Variants in GTPBP1 observed in about 807,000 individuals in gnomAD.
GTPBP1 encodes GTP-binding protein 1.
A neutral mutation model predicts 62.0 loss-of-function variants in GTPBP1; 23 were observed. That is an observed-to-expected ratio of 0.37 (90% confidence interval 0.27 to 0.53). The LOEUF (loss-of-function observed/expected upper bound fraction) is 0.53, where lower values mean the gene tolerates loss of function less well. GTPBP1 is among the 20% of genes least tolerant of loss of function. The pLI is 0.89. For missense variants in GTPBP1, 640 were observed against 917.3 expected, an observed-to-expected ratio of 0.70 and a Z score of 3.90; for synonymous variants, 344 against 364.4, an observed-to-expected ratio of 0.94 and a Z score of 0.64.
chr22:38,707,759 G>A (rs187903925), intron 1 of GTPBP1, among the ~76,000 whole-genome samples: 15 of 152,244 alleles, frequency 9.9e-5, no homozygotes, highest in African/African-American at 3.4e-4. Context: ...CATAGCTGGG[G>A]AAGTCCTCCT....
At chr22:38,738,833 G>A, downstream of GTPBP1, 1 of 1,595,800 alleles carries the variant, frequency 6.3e-7, no homozygotes, top group Non-Finnish European at 8.6e-7. The surrounding 1 kb of genome is among the most constrained non-coding windows in gnomAD (Gnocchi z 6.6). Flanking sequence ...AGCCCTCAGT[G>A]TGCTCAGAGC....
Position 38,726,089 on chromosome 22 carries a change from G to A in GTPBP1, c.1157G>A (p.Arg386His), listed in dbSNP as rs992562454. Reference sequence around the variant, plus strand: ...ATGTTCCTCAACCTCCTCTCCCCCCGCACCAGCTACAGGGAGGAGGAGCCT... The same window carrying A: ...ATGTTCCTCAACCTCCTCTCCCCCCACACCAGCTACAGGGAGGAGGAGCCT... Reference protein sequence around the residue: ...LKMFLNLLSPRTSYREEEPAE... With the variant: ...LKMFLNLLSPHTSYREEEPAE... Residue 386 changes from arginine to histidine, a missense_variant, in exon 7 of 12, where the codon CGC (arginine) becomes CAC (histidine). This residue lies in a region of GTPBP1 where 220 missense variants were observed against 358.1 expected (regional missense o/e 0.61). Transcript: ENST00000216044. The surrounding 1 kb of genome is among the most constrained non-coding windows in gnomAD (Gnocchi z 4.1). 3 of 1,613,778 alleles carry A rather than the reference G, an allele frequency of 1.9e-6. No individual in the cohort carries two copies. The highest frequency in any genetic ancestry group is 2.5e-6 in the Non-Finnish European group (3 of 1,179,768).
At chr22:38,742,667 G>A (rs988039027), downstream of GTPBP1, 27 of 1,400,076 alleles carry the variant, frequency 1.9e-5, no homozygotes, top group Admixed American at 4.6e-5. Flanking sequence ...TTCCAGAGAC[G>A]TTCCAGCATA....
At chr22:38,735,403 T>C (rs1164036512), downstream of GTPBP1, 9 of 355,782 alleles carry the variant, frequency 2.5e-5, no homozygotes, top group Admixed American at 3.8e-5. Context: ...CCCACTCTTC[T>C]TGCTATAACC....
At chr22:38,741,207 G>A (rs960141278), downstream of GTPBP1, among the ~76,000 whole-genome samples, 2 of 152,126 alleles carry the variant, frequency 1.3e-5, no homozygotes, top group African/African-American at 4.8e-5. Context: ...CCTTGTCAAA[G>A]CCCTCATGAG....
chr22:38,735,607 A>G (rs970197870), downstream of GTPBP1: 15 of 187,944 alleles, frequency 8.0e-5, no homozygotes, highest in South Asian at 1.1e-3. Context: ...TGGGCCCCTT[A>G]GAAGATCACA....
In GTPBP1 at chr22:38,726,647, T is replaced by G. The variant is rs959389153; in HGVS notation, c.1401+207T>G. Among the ~76,000 whole-genome samples the G allele has an allele frequency of 1.3e-5, 2 of 152,164 alleles. No individual in the cohort carries two copies. The highest frequency in any genetic ancestry group is 2.9e-5 in the Non-Finnish European group (2 of 68,016). On this transcript the variant is annotated intron_variant, in intron 8 of 11. Transcript: ENST00000216044. This position sits in a 1 kb window ranked among gnomAD's most constrained non-coding sequence, Gnocchi z 4.1. ...TGTAAGTGCTAGAGCGAGGAATGCC[T>G]CCTTCTAAGCTCCGTTCCTCCCTCT...
downstream of GTPBP1, chr22:38,741,580 C>T (rs779944981): frequency 4.5e-5 from 72 of 1,613,688 alleles, no homozygotes; most frequent in Middle Eastern, 4.9e-4. Context: ...TCCTGTGAGA[C>T]GGGAGTGAGA....
At chr22:38,707,525 A>G (rs912219641) in intron 1 of GTPBP1, among the ~76,000 whole-genome samples, 78 of 152,252 alleles carry the variant, frequency 5.1e-4, no homozygotes, top group Non-Finnish European at 4.3e-4. Flanking sequence ...AGGACGATGT[A>G]AAAGACCCAG....
At chr22:38,718,227 G>A (rs2092681289) in intron 4 of GTPBP1, among the ~76,000 whole-genome samples, 1 of 152,206 alleles carries the variant, frequency 6.6e-6, no homozygotes. Flanking sequence ...AAGATCCAGA[G>A]GGCGTATTTA....
At chr22:38,742,544 A>ACG, downstream of GTPBP1, 1 of 1,611,130 alleles carries the variant, frequency 6.2e-7, no homozygotes, top group South Asian at 1.1e-5. Context: ...GGGACATAAC[A>ACG]CGCTGCTCAG....
chr22:38,741,574 G>C (rs758167637), downstream of GTPBP1: 2 of 1,613,944 alleles, frequency 1.2e-6, no homozygotes, highest in Non-Finnish European at 8.5e-7. Context: ...AGTTCTTCCT[G>C]TGAGACGGGA....
rs1183068813 is a variant in GTPBP1 at position 38,716,693 on chromosome 22, T to C, written c.527T>C (p.Leu176Pro). 1 of 1,614,118 alleles carries C rather than the reference T, an allele frequency of 6.2e-7. No homozygotes were observed. Among genetic ancestry groups the C allele is most frequent in the Non-Finnish European group, 8.5e-7 (1 of 1,180,002 alleles). The change falls in exon 4 of 12, where the codon CTT becomes CCT. Residue 176 changes from leucine (L) to proline (P), a missense_variant. Transcript: ENST00000216044. The surrounding 1 kb of genome is among the most constrained non-coding windows in gnomAD (Gnocchi z 5.2). Reference protein sequence around the residue: ...VGNVDAGKSTLLGVLTHGELD... With the variant: ...VGNVDAGKSTPLGVLTHGELD... ...AACGTGGATGCTGGCAAAAGCACGCTTCTGGGGGTCCTGACACATGGGGAG... is the reference window on the plus strand; with the variant it reads ...AACGTGGATGCTGGCAAAAGCACGCCTCTGGGGGTCCTGACACATGGGGAG...
chr22:38,721,352 A>G (rs2092699745), intron 4 of GTPBP1, among the ~76,000 whole-genome samples: 1 of 152,204 alleles, frequency 6.6e-6, no homozygotes, highest in Non-Finnish European at 1.5e-5. Flanking sequence ...TGCTGGGGTT[A>G]CAGGAGTGAG....
chr22:38,712,452 A>C (rs1402283144), intron 2 of GTPBP1, among the ~76,000 whole-genome samples: 2 of 152,150 alleles, frequency 1.3e-5, no homozygotes, highest in Non-Finnish European at 2.9e-5. Context: ...AGGGTCCTTA[A>C]ATGCCATGCC....
At chr22:38,739,807 T>C (rs778927026), downstream of GTPBP1, 4 of 1,613,682 alleles carry the variant, frequency 2.5e-6, no homozygotes, top group East Asian at 8.9e-5. The surrounding 1 kb of genome is among the most constrained non-coding windows in gnomAD (Gnocchi z 6.7). Flanking sequence ...GCCCTGCATC[T>C]CTGCCACATG....
chr22:38,707,911 T>C (rs2092615075), intron 1 of GTPBP1, among the ~76,000 whole-genome samples: 1 of 152,192 alleles, frequency 6.6e-6, no homozygotes, highest in Admixed American at 6.5e-5. Context: ...GTCCTTACGA[T>C]AGAAAATGTG....
rs1713271817 is a variant in GTPBP1, at chr22:38,731,030, G to GTT, written c.*327_*328insTT. On this transcript the variant is annotated 3_prime_UTR_variant, in exon 12 of 12. Transcript: ENST00000216044. ...CTCTATTGTGTGTGTGTGTGTGTGTGTGTGTGTGTGTGTGTGTGTGGTGCA... is the reference window on the plus strand; with the variant it reads ...CTCTATTGTGTGTGTGTGTGTGTGTGTTTGTGTGTGTGTGTGTGTGTGGTGCA... The GTT allele has an allele frequency of 4.1e-6, 1 of 244,348 alleles. No individual in the cohort carries two copies. Among genetic ancestry groups the GTT allele is most frequent in the Admixed American group, 5.1e-5 (1 of 19,488 alleles). 15.1% of individuals were successfully genotyped at this position (244,348 alleles called of 1,614,324 possible).
In GTPBP1 at chr22:38,724,422, G is replaced by A; in HGVS notation, c.1073+11G>A. The A allele has an allele frequency of 6.7e-7, 1 of 1,497,868 alleles. No individual in the cohort carries two copies. Among genetic ancestry groups the A allele is most frequent in the Non-Finnish European group, 9.3e-7 (1 of 1,074,094 alleles). The allele number at this position is 1,497,868 out of a possible 1,614,324, so 92.8% of individuals were successfully genotyped here. On this transcript the variant is annotated intron_variant, in intron 6 of 11. Coordinates refer to ENST00000216044, the MANE Select transcript of GTPBP1 (RefSeq NM_004286.5). ...CTTCAGCTCTGAAAGGTAACGCGTG[G>A]GGAGCGCACACTTCAGACAGGCACC... is the stretch of plus-strand genomic sequence containing the variant.
Sources: allele counts gnomAD v4.1 joint callset (sites outside exome capture counted in the v4.1 genomes callset), GRCh38; gene constraint gnomAD v4.1.1; regional missense constraint gnomAD v4.1.1; non-coding constraint Gnocchi (gnomAD v3.1); transcripts MANE v1.5; gene names NCBI Gene and HGNC (gene_info 2026-07-23, HGNC 2026-07-21).